The following COBL variants were observed in gnomAD, a reference collection of about 807,000 sequenced individuals.
The protein encoded by COBL is cordon-bleu WH2 repeat protein, also known as protein cordon-bleu.
In COBL, 51 loss-of-function variants were observed where a neutral mutation model predicts 98.8. The observed-to-expected ratio is 0.52, with a 90% CI of 0.41 to 0.65. COBL has a LOEUF of 0.65. COBL is among the 30% of genes least tolerant of loss of function. The pLI, the probability that COBL is intolerant of heterozygous loss-of-function variation, is 0.00. For synonymous variants in COBL, 634 were observed against 651.7 expected, an observed-to-expected ratio of 0.97 and a Z score of 0.41; for missense variants, 1,617 against 1,617.5, an observed-to-expected ratio of 1.00 and a Z score of 0.01.
At chr7:51,209,463 T>C (rs1482756776) in intron 2 of COBL, among the ~76,000 whole-genome samples, 1 of 152,138 alleles carries the variant, frequency 6.6e-6, no homozygotes, top group Admixed American at 6.5e-5. Flanking sequence ...TGCAGGTTAA[T>C]AACTACCATG....
chr7:51,076,864 T>C (rs1293655411), intron 7 of COBL, among the ~76,000 whole-genome samples: 1 of 152,228 alleles, frequency 6.6e-6, no homozygotes, highest in East Asian at 1.9e-4. Context: ...TCACTGAATA[T>C]TTTCATTTTA....
chr7:51,196,315 T>C (rs1435324989), intron 2 of COBL, among the ~76,000 whole-genome samples: 2 of 152,364 alleles, frequency 1.3e-5, no homozygotes, highest in African/African-American at 2.4e-5. Context: ...GATTTGCATA[T>C]GTTGAACCAA....
chr7:51,021,596 A>G (rs1011986), intron 12 of COBL, among the ~76,000 whole-genome samples: 99,898 of 152,088 alleles, frequency 0.66, 35,102 homozygotes, highest in Non-Finnish European at 0.8. Context: ...CCAAAGTGTT[A>G]GGATTACAGC....
chr7:51,203,188 A>C (rs1360235085), intron 2 of COBL, among the ~76,000 whole-genome samples: 1 of 152,008 alleles, frequency 6.6e-6, no homozygotes. Flanking sequence ...GATAACTGAA[A>C]TAGAGAACAG....
chr7:51,123,988 T>C (rs1284218539), intron 6 of COBL, among the ~76,000 whole-genome samples: 1 of 152,224 alleles, frequency 6.6e-6, no homozygotes, highest in Non-Finnish European at 1.5e-5. Flanking sequence ...TGTTGCTTAC[T>C]GGCAGTAGTA....
At chr7:51,132,507 C>T (rs935004562) in intron 6 of COBL, among the ~76,000 whole-genome samples, 1 of 152,154 alleles carries the variant, frequency 6.6e-6, no homozygotes, top group African/African-American at 2.4e-5. Flanking sequence ...TGTTGACAGC[C>T]CCTACTCACA....
intron 6 of COBL, among the ~76,000 whole-genome samples, chr7:51,124,155 C>T (rs1485520944): frequency 6.6e-6 from 1 of 152,172 alleles, no homozygotes; most frequent in Non-Finnish European, 1.5e-5. Context: ...GCAAGAAGAA[C>T]TGAACTGTTG....
At chr7:51,232,958 A>C (rs962868219) in intron 1 of COBL, among the ~76,000 whole-genome samples, 2 of 152,248 alleles carry the variant, frequency 1.3e-5, no homozygotes, top group Admixed American at 6.5e-5. Flanking sequence ...TTAATGATTA[A>C]GGCATTAAAT....
chr7:51,204,592 G>A (rs1045005641), intron 2 of COBL, among the ~76,000 whole-genome samples: 39 of 144,670 alleles, frequency 2.7e-4, no homozygotes, highest in Non-Finnish European at 4.9e-4. Context: ...TCACTCTGTC[G>A]CCAGGCTGGA....
chr7:51,112,953 C>T (rs771767330), intron 6 of COBL, among the ~76,000 whole-genome samples: 46 of 152,134 alleles, frequency 3.0e-4, no homozygotes, highest in Non-Finnish European at 4.7e-4. Context: ...CTCCTACAAC[C>T]GAAAATAAAT....
At chr7:51,189,472 A>G (rs1789883975) in intron 4 of COBL, among the ~76,000 whole-genome samples, 1 of 152,158 alleles carries the variant, frequency 6.6e-6, no homozygotes, top group South Asian at 2.1e-4. Context: ...CGTCTCTACT[A>G]AAAACACAAA....
intron 6 of COBL, among the ~76,000 whole-genome samples, chr7:51,122,528 GTGT>G (rs971871082): frequency 2.2e-4 from 34 of 152,208 alleles, no homozygotes; most frequent in African/African-American, 8.2e-4. Flanking sequence ...ACCATCATAA[GTGT>G]TGTTTTTTCG....
chr7:51,140,711 C>T (rs912500429), intron 5 of COBL, among the ~76,000 whole-genome samples: 6 of 152,190 alleles, frequency 3.9e-5, no homozygotes, highest in Non-Finnish European at 7.3e-5. Context: ...AGCAGGGGCA[C>T]GGCCCTGACA....
At chr7:51,246,353 T>C (rs181557077) in intron 1 of COBL, among the ~76,000 whole-genome samples, 5 of 152,298 alleles carry the variant, frequency 3.3e-5, no homozygotes, top group Admixed American at 2.0e-4. Context: ...AAGCCCATAG[T>C]AAATGCTGTT....
chr7:51,289,988 C>T (rs952189877), intron 1 of COBL, among the ~76,000 whole-genome samples: 9 of 152,098 alleles, frequency 5.9e-5, no homozygotes, highest in African/African-American at 2.2e-4. Flanking sequence ...CAGCCCTATA[C>T]GAGGGCCTTG....
intron 7 of COBL, among the ~76,000 whole-genome samples, chr7:51,076,027 G>A (rs1793039632): frequency 6.6e-6 from 1 of 152,184 alleles, no homozygotes; most frequent in South Asian, 2.1e-4. Flanking sequence ...TGGATGCCAT[G>A]CCTGCCCCGT....
intron 7 of COBL, among the ~76,000 whole-genome samples, chr7:51,045,922 T>C (rs1475685441): frequency 2.0e-5 from 3 of 152,172 alleles, no homozygotes; most frequent in East Asian, 1.9e-4. Flanking sequence ...ACAAAATGAC[T>C]AATGCGAGTG....
chr7:51,266,623 CAA>C (rs1798230253), intron 1 of COBL, among the ~76,000 whole-genome samples: 1 of 152,146 alleles, frequency 6.6e-6, no homozygotes, highest in Non-Finnish European at 1.5e-5. Context: ...TTTTAAATGA[CAA>C]AGTGAGAAAC....
At chr7:51,161,166 C>A (rs537913004) in intron 5 of COBL, among the ~76,000 whole-genome samples, 1 of 152,136 alleles carries the variant, frequency 6.6e-6, no homozygotes, top group Non-Finnish European at 1.5e-5. Context: ...CTTTTCCAGG[C>A]CCAGAAAAGC....
Sources: gnomAD v4.1 joint callset for allele counts (sites outside exome capture counted in the v4.1 genomes callset) on GRCh38, gnomAD v4.1.1 for gene constraint, MANE v1.5 for transcripts, NCBI Gene and HGNC (gene_info 2026-07-23, HGNC 2026-07-21) for gene names.